Variants in PANX1 observed in about 807,000 individuals in gnomAD.
PANX1 encodes pannexin 1.
In PANX1, 30 loss-of-function variants were observed where a neutral mutation model predicts 38.7. That is an observed-to-expected ratio of 0.78 (90% confidence interval 0.58 to 1.05). The LOEUF is 1.05. Ranked by LOEUF, PANX1 falls within the 50% of genes least tolerant of loss-of-function variation. The pLI, the probability that PANX1 is intolerant of heterozygous loss-of-function variation, is 0.00. For missense variants in PANX1, 551 were observed against 517.2 expected (o/e 1.07, Z -0.63); for synonymous variants, 230 against 212.2 (o/e 1.08, Z -0.73).
chr11:94,177,605 A>G (rs1025309891), intron 2 of PANX1, among the ~76,000 whole-genome samples: 4 of 152,200 alleles, frequency 2.6e-5, no homozygotes, highest in African/African-American at 7.2e-5. Flanking sequence ...AGGCTAAGCC[A>G]CCTCTGACCA....
intron 2 of PANX1, among the ~76,000 whole-genome samples, chr11:94,176,225 G>T (rs1003881319): frequency 2.6e-5 from 4 of 151,622 alleles, no homozygotes; most frequent in Admixed American, 2.0e-4. Context: ...TATGAATAAA[G>T]AATTGGATGC....
rs553544178 is a variant in PANX1 at position 94,142,635 on chromosome 11, A to G, written c.182-10856A>G. Among the ~76,000 whole-genome samples, 12 of 152,332 alleles carry G rather than the reference A, an allele frequency of 7.9e-5. 1 individual carries two copies. In the East Asian group the frequency reaches 1.7e-3, roughly 22 times the overall value. ...CTTATGTGATTTGTTTTCATCTACA[A>G]TAATTGGTGGTTTATATCCTTGGCT... On this transcript the variant is annotated intron_variant, in intron 1 of 4. Coordinates refer to ENST00000227638, the MANE Select transcript of PANX1 (RefSeq NM_015368.4).
intron 1 of PANX1, among the ~76,000 whole-genome samples, chr11:94,147,775 T>A (rs1946844231): frequency 6.6e-6 from 1 of 152,218 alleles, no homozygotes; most frequent in Non-Finnish European, 1.5e-5. Flanking sequence ...CTATTAATTC[T>A]TCCCTCCATC....
At chr11:94,140,573 C>G (rs1447373538) in intron 1 of PANX1, among the ~76,000 whole-genome samples, 1 of 152,172 alleles carries the variant, frequency 6.6e-6, no homozygotes, top group Non-Finnish European at 1.5e-5. Flanking sequence ...ATTCATTTAA[C>G]CGTCTGTTTA....
intron 2 of PANX1, among the ~76,000 whole-genome samples, chr11:94,160,914 G>A (rs1411576986): frequency 6.6e-6 from 1 of 152,164 alleles, no homozygotes; most frequent in Non-Finnish European, 1.5e-5. Context: ...TTTTAGGGCA[G>A]GCCTGGTGGT....
chr11:94,180,227 G>A lies in PANX1; in HGVS notation c.1171G>A (p.Glu391Lys). 1.2e-6 allele frequency: 2 copies of A among 1,608,948 alleles called. No individual in the cohort carries two copies. Among genetic ancestry groups the A allele is most frequent in the Non-Finnish European group, 8.5e-7 (1 of 1,176,016 alleles). The change falls in exon 4 of 5, where the codon GAG (glutamate) becomes AAG (lysine). Residue 391 changes from glutamate (E) to lysine (K), a missense_variant. Transcript: ENST00000227638. The stretch of plus-strand genomic sequence containing the variant: ...TCCCATGTCTGCAGAGATGAGAGAG[G>A]AGCAGGGGAACCAGACGGCAGAGCT... ...KTPMSAEMRE[E>K]QGNQTAELQG... is the part of the protein sequence containing the mutation.
At chr11:94,174,884 GT>G (rs1482549692) in intron 2 of PANX1, among the ~76,000 whole-genome samples, 1 of 151,756 alleles carries the variant, frequency 6.6e-6, no homozygotes, top group Non-Finnish European at 1.5e-5. Context: ...GGTTTCTGTT[GT>G]TTTAACTATA....
chr11:94,179,073 T>C (rs1014068681), intron 3 of PANX1, among the ~76,000 whole-genome samples: 3 of 152,220 alleles, frequency 2.0e-5, no homozygotes, highest in Non-Finnish European at 4.4e-5. Context: ...GCCATCATTT[T>C]TTGAATATTT....
rs534646694 is a variant in PANX1 at position 94,159,073 on chromosome 11, C to G, written c.321+5443C>G. ...CATTTATTGATTTGCGTATGTTGAA[C>G]CAGCCTTGCATCCCAGGGTTGAAGC... On this transcript the variant is annotated intron_variant, in intron 2 of 4. Coordinates refer to ENST00000227638, the MANE Select transcript of PANX1 (RefSeq NM_015368.4). Among the ~76,000 whole-genome samples, 9 of 152,290 alleles carry G rather than the reference C, an allele frequency of 5.9e-5. No individual in the cohort carries two copies. The East Asian group carries it at 1.7e-3, about 29-fold the overall frequency.
At chr11:94,170,158 C>G (rs749616852) in intron 2 of PANX1, among the ~76,000 whole-genome samples, 12 of 151,794 alleles carry the variant, frequency 7.9e-5, no homozygotes, top group Non-Finnish European at 1.6e-4. Flanking sequence ...TTACCCATCT[C>G]CTGAATTTTT....
At chr11:94,155,815 T>C (rs1946943286) in intron 2 of PANX1, among the ~76,000 whole-genome samples, 1 of 152,178 alleles carries the variant, frequency 6.6e-6, no homozygotes, top group Non-Finnish European at 1.5e-5. Flanking sequence ...TCTTTTCTCC[T>C]TTTAGGTTGG....
intron 1 of PANX1, among the ~76,000 whole-genome samples, chr11:94,144,696 C>T (rs1180554104): frequency 6.6e-6 from 1 of 152,158 alleles, no homozygotes; most frequent in East Asian, 1.9e-4. Flanking sequence ...CCATCCTTCT[C>T]CACTCCACCC....
intron 3 of PANX1, 121 bp from the exon 4 acceptor site, chr11:94,179,481 G>A (rs1947276732): frequency 1.6e-6 from 1 of 642,696 alleles, no homozygotes; most frequent in East Asian, 2.8e-5. Context: ...TACTGACGTT[G>A]TAGGTAAAGA....
chr11:94,167,210 C>G (rs1006893228), intron 2 of PANX1, among the ~76,000 whole-genome samples: 4 of 152,170 alleles, frequency 2.6e-5, no homozygotes, highest in African/African-American at 9.7e-5. Context: ...GGATTCTTCT[C>G]CAGACTGCAC....
chr11:94,158,250 T>A (rs528445392), intron 2 of PANX1, among the ~76,000 whole-genome samples: 270 of 152,248 alleles, frequency 1.8e-3, no homozygotes, highest in African/African-American at 6.3e-3. Flanking sequence ...TGGTTCCATA[T>A]GAACTTTAAA....
chr11:94,129,629 G>A, intron 1 of PANX1, 136 bp downstream of exon 1: 2 of 743,776 alleles, frequency 2.7e-6, no homozygotes, highest in Non-Finnish European at 4.3e-6. Flanking sequence ...AGTGGCCCCA[G>A]TTTTATGGTC....
chr11:94,175,047 G>A lies in PANX1; in HGVS notation c.322-3322G>A, dbSNP rs569999014. ...CATCATGCAGAATAGTGCCATCATG[G>A]CTTCAAGAGATGCTGAGCATCCCAG... On this transcript the variant is annotated intron_variant, in intron 2 of 4. Coordinates refer to ENST00000227638, the MANE Select transcript of PANX1 (RefSeq NM_015368.4). Among the ~76,000 whole-genome samples the A allele has an allele frequency of 2.2e-4, 34 of 151,806 alleles. 3 individuals carry two copies. In the South Asian group the frequency reaches 2.9e-3, roughly 13 times the overall value.
At chr11:94,158,059 T>C (rs914070309) in intron 2 of PANX1, among the ~76,000 whole-genome samples, 1 of 152,194 alleles carries the variant, frequency 6.6e-6, no homozygotes, top group Non-Finnish European at 1.5e-5. Flanking sequence ...GTTGTAGATA[T>C]GTGGCATTAT....
Position 94,181,484 on chromosome 11 carries a change from TG to T in PANX1, c.*616del, listed in dbSNP as rs1333583561. The stretch of plus-strand genomic sequence containing the variant: ...ATCCCGTAACCACTATTTGTTGCAC[TG>T]TGCCTTGAAGGGCAGCAGGCCCAAG... On this transcript the variant is annotated 3_prime_UTR_variant, in exon 5 of 5. Coordinates refer to ENST00000227638, the MANE Select transcript of PANX1 (RefSeq NM_015368.4). The T allele has an allele frequency of 1.3e-5, 2 of 152,450 alleles. No homozygotes were observed. Among genetic ancestry groups the T allele is most frequent in the East Asian group, 3.8e-4 (2 of 5,198 alleles). 9.4% of individuals were successfully genotyped at this position (152,450 alleles called of 1,614,324 possible).
Sources: gnomAD v4.1 joint callset for allele counts (sites outside exome capture counted in the v4.1 genomes callset) on GRCh38, gnomAD v4.1.1 for gene constraint, MANE v1.5 for transcripts, NCBI Gene and HGNC (gene_info 2026-07-23, HGNC 2026-07-21) for gene names.